The following FIP1L1 variants were observed in gnomAD, a reference collection of about 807,000 sequenced individuals.
The protein encoded by FIP1L1 is pre-mRNA 3'-end-processing factor FIP1.
Under a neutral mutation model 84.6 loss-of-function variants are expected in FIP1L1, and 21 were observed. The observed-to-expected ratio is 0.25, with a 90% CI of 0.18 to 0.36. The LOEUF (loss-of-function observed/expected upper bound fraction) is 0.36. FIP1L1 is among the 10% of genes least tolerant of loss of function. The pLI, the probability that FIP1L1 is intolerant of heterozygous loss-of-function variation, is 1.00. For missense variants in FIP1L1, 526 were observed against 751.1 expected (o/e 0.70, Z 3.50); for synonymous variants, 263 against 242.3 (o/e 1.09, Z -0.80).
At chr4:53,414,794 G>T in intron 11 of FIP1L1, 72 bp downstream of exon 11, 9 of 987,852 alleles carry the variant, frequency 9.1e-6, no homozygotes, top group Non-Finnish European at 1.4e-5. Flanking sequence ...TTATTAGTAA[G>T]ATAATAAATT....
chr4:53,436,252 A>G (rs1267653224), intron 13 of FIP1L1, among the ~76,000 whole-genome samples: 5 of 152,230 alleles, frequency 3.3e-5, no homozygotes, highest in Non-Finnish European at 7.3e-5. Context: ...GGAATCTGGG[A>G]CAGCTTAGCT....
intron 10 of FIP1L1, among the ~76,000 whole-genome samples, chr4:53,406,334 C>T (rs542761917): frequency 3.3e-5 from 5 of 152,294 alleles, no homozygotes; most frequent in South Asian, 2.1e-4. Context: ...TATATTGAAC[C>T]AGCCTTGCAT....
chr4:53,444,071 G>T lies in FIP1L1; in HGVS notation c.1253G>T (p.Ser418Ile), dbSNP rs1773156139. 15 of 1,607,542 alleles carry T rather than the reference G, an allele frequency of 9.3e-6. No homozygotes were observed. Among genetic ancestry groups the T allele is most frequent in the Non-Finnish European group, 1.3e-5 (15 of 1,174,562 alleles). Residue 418 changes from serine to isoleucine, a missense_variant, in exon 15 of 18, where the codon AGT becomes ATT. Physicochemically the swap from Ser to Ile is moderately radical, Grantham distance 142. Coordinates refer to ENST00000337488, the MANE Select transcript of FIP1L1 (RefSeq NM_030917.4). ...IESGHSSGYD[S>I]RSARAFPYGN... ...AGTGGACATTCCTCTGGTTATGATAGTCGTTCTGCACGTGCATTTCCATAT... is the reference window on the plus strand; with the variant it reads ...AGTGGACATTCCTCTGGTTATGATATTCGTTCTGCACGTGCATTTCCATAT...
At chr4:53,452,598 C>T (rs1278432914) in intron 15 of FIP1L1, among the ~76,000 whole-genome samples, 1 of 152,224 alleles carries the variant, frequency 6.6e-6, no homozygotes, top group Non-Finnish European at 1.5e-5. Flanking sequence ...GGATTACAGG[C>T]GTAAGCCATC....
chr4:53,379,273 A>G lies in FIP1L1; in HGVS notation c.170+9A>G. 6.3e-7 allele frequency: 1 copy of G among 1,584,090 alleles called. No individual in the cohort carries two copies. Among genetic ancestry groups the G allele is most frequent in the Non-Finnish European group, 8.5e-7 (1 of 1,170,424 alleles). ...GAAGAAGAAAATGCCAGGTTAGTGA[A>G]ATTTTCTGTTGATGCCTATTACACA... On this transcript the variant is annotated intron_variant, in intron 3 of 17. Transcript: ENST00000337488.
intron 5 of FIP1L1, among the ~76,000 whole-genome samples, chr4:53,385,546 C>T (rs1740538530): frequency 6.6e-6 from 1 of 151,996 alleles, no homozygotes; most frequent in Non-Finnish European, 1.5e-5. Flanking sequence ...TTTTCTATTC[C>T]TCACATTGCC....
chr4:53,437,885 T>TC (rs2150163559), intron 13 of FIP1L1, among the ~76,000 whole-genome samples: 1 of 151,916 alleles, frequency 6.6e-6, no homozygotes, highest in Admixed American at 6.6e-5. Flanking sequence ...GCCACCATGC[T>TC]TGGCTAATTT....
At chr4:53,404,701 A>C (rs892542124) in intron 10 of FIP1L1, among the ~76,000 whole-genome samples, 1 of 152,152 alleles carries the variant, frequency 6.6e-6, no homozygotes, top group South Asian at 2.1e-4. Context: ...AATGATCGCC[A>C]TTCTAACTGG....
intron 15 of FIP1L1, among the ~76,000 whole-genome samples, chr4:53,447,919 A>G (rs115290601): frequency 0.02 from 3,004 of 152,108 alleles, 47 homozygotes; most frequent in African/African-American, 0.032. Flanking sequence ...GGAATTTTCT[A>G]CTGGTGGCAT....
At chr4:53,387,650 G>A (rs1053657260) in intron 5 of FIP1L1, among the ~76,000 whole-genome samples, 2 of 152,190 alleles carry the variant, frequency 1.3e-5, no homozygotes, top group African/African-American at 2.4e-5. Flanking sequence ...GGCAGAATGG[G>A]GAATAGAAAG....
chr4:53,409,782 G>C (rs1457839103), intron 10 of FIP1L1, among the ~76,000 whole-genome samples: 1 of 152,234 alleles, frequency 6.6e-6, no homozygotes. Context: ...GTGGGCGTAG[G>C]ACCCTCCGAC....
At chr4:53,400,684 A>C (rs376313517) in intron 10 of FIP1L1, among the ~76,000 whole-genome samples, 1 of 152,204 alleles carries the variant, frequency 6.6e-6, no homozygotes, top group Admixed American at 6.5e-5. Flanking sequence ...TTATAGTGGC[A>C]TCTAGTCTAG....
intron 15 of FIP1L1, among the ~76,000 whole-genome samples, chr4:53,447,281 C>G (rs1004371151): frequency 2.6e-5 from 4 of 152,002 alleles, no homozygotes; most frequent in African/African-American, 7.2e-5. Flanking sequence ...TTTTCTCCCA[C>G]CAATAAAATT....
intron 8 of FIP1L1, 129 bp downstream of exon 8, chr4:53,391,268 A>G: frequency 8.0e-7 from 1 of 1,255,658 alleles, no homozygotes; most frequent in African/African-American, 1.5e-5. Flanking sequence ...TTTGTTTACC[A>G]TGTTTGTTTT....
intron 10 of FIP1L1, among the ~76,000 whole-genome samples, chr4:53,408,778 TGA>T (rs1325585113): frequency 1.3e-5 from 2 of 152,226 alleles, no homozygotes; most frequent in Non-Finnish European, 2.9e-5. Flanking sequence ...TTCTTTCAGT[TGA>T]TCACCTCGGC....
intron 14 of FIP1L1, 31 bp from the exon 15 acceptor site, chr4:53,444,017 A>G (rs1189424305): frequency 5.3e-6 from 8 of 1,508,774 alleles, no homozygotes; most frequent in Middle Eastern, 3.4e-4. Context: ...TATTTGTACC[A>G]GACATAAAAA....
intron 10 of FIP1L1, among the ~76,000 whole-genome samples, chr4:53,405,383 C>G (rs1232773172): frequency 6.6e-6 from 1 of 152,140 alleles, no homozygotes; most frequent in Non-Finnish European, 1.5e-5. Context: ...TGTTTTGGTA[C>G]CAGTACCATG....
chr4:53,409,925 C>G (rs1219433247), intron 10 of FIP1L1, among the ~76,000 whole-genome samples: 1 of 152,250 alleles, frequency 6.6e-6, no homozygotes, highest in Non-Finnish European at 1.5e-5. Context: ...AGGGAACTCC[C>G]TGACCCCTTG....
At chr4:53,448,659 C>G (rs1775178462) in intron 15 of FIP1L1, among the ~76,000 whole-genome samples, 1 of 152,056 alleles carries the variant, frequency 6.6e-6, no homozygotes. Context: ...GGATTTGAAC[C>G]TATGTTGCCT....
Sources: allele counts gnomAD v4.1 joint callset (sites outside exome capture counted in the v4.1 genomes callset), GRCh38; gene constraint gnomAD v4.1.1; transcripts MANE v1.5; gene names NCBI Gene and HGNC (gene_info 2026-07-23, HGNC 2026-07-21).